Variants in MDGA1 observed in about 807,000 individuals in gnomAD.
MDGA1 encodes the protein MAM domain containing glycosylphosphatidylinositol anchor 1.
In MDGA1, 54 loss-of-function variants were observed where a neutral mutation model predicts 101.5. The observed-to-expected ratio is 0.53, with a 90% CI of 0.43 to 0.67. MDGA1 has a LOEUF of 0.67. MDGA1 is among the 30% of genes least tolerant of loss of function. MDGA1 has a pLI of 0.00. For missense variants in MDGA1, 1,083 were observed against 1,323.8 expected (o/e 0.82, Z 2.82); for synonymous variants, 533 against 558.3 (o/e 0.95, Z 0.64).
Position 37,635,461 on chromosome 6 carries a change from C to A in MDGA1, c.*1907G>T, listed in dbSNP as rs1228122888. 5.0e-6 allele frequency: 2 copies of A among 398,626 alleles called. No individual in the cohort carries two copies. Among genetic ancestry groups the A allele is most frequent in the South Asian group, 1.3e-4 (1 of 7,856 alleles). 24.7% of individuals were successfully genotyped at this position (398,626 alleles called of 1,614,324 possible). Reference sequence around the variant, plus strand: ...TGTATGCTGAGAACCTGGAGCGACTCATTTCAGACAGAGGCCTTGACTGGG... The same window carrying A: ...TGTATGCTGAGAACCTGGAGCGACTAATTTCAGACAGAGGCCTTGACTGGG... On this transcript the variant is annotated 3_prime_UTR_variant, in exon 17 of 17. Coordinates refer to ENST00000434837, the MANE Select transcript of MDGA1 (RefSeq NM_153487.4).
rs1449235537 is a variant in MDGA1, at chr6:37,652,536, CA to C, written c.983-197del. Among the ~76,000 whole-genome samples the C allele has an allele frequency of 6.6e-6, 1 of 152,170 alleles. No homozygotes were observed. The highest frequency in any genetic ancestry group is 2.4e-5 in the African/African-American group (1 of 41,442). On this transcript the variant is annotated intron_variant, in intron 6 of 16. Transcript: ENST00000434837. The surrounding 1 kb of genome is among the most constrained non-coding windows in gnomAD (Gnocchi z 4.3). ...TTTGTTCAGATGTGCTTTAAAAGTT[CA>C]AAAAAGGTCACTGCAGAAAAGCAGT...
At position 37,654,903 on chromosome 6, in the gene MDGA1, G is replaced by T. The variant is rs1196517796; in HGVS notation, c.609C>A (p.Asn203Lys). 2 of 1,613,652 alleles carry T rather than the reference G, an allele frequency of 1.2e-6. No homozygotes were observed. The highest frequency in any genetic ancestry group is 1.7e-6 in the Non-Finnish European group (2 of 1,179,842). The change falls in exon 5 of 17, where the codon AAC (asparagine) becomes AAA (lysine). Residue 203 changes from asparagine to lysine, a missense_variant. Coordinates refer to ENST00000434837, the MANE Select transcript of MDGA1 (RefSeq NM_153487.4). ...AGCTGGCATAGTCCTGGGGCCGCAG[G>T]TTCTTCAGCTTCAGGACCTTGGTCT... ...QGETKVLKLK[N>K]LRPQDYASYT...
chr6:37,694,808 G>A (rs1294370027), intron 1 of MDGA1, among the ~76,000 whole-genome samples: 2 of 152,114 alleles, frequency 1.3e-5, no homozygotes, highest in African/African-American at 4.8e-5. Flanking sequence ...GCCCAGGGTC[G>A]GCCCCAGCAC....
In MDGA1 at chr6:37,648,937, C is replaced by G. The variant is rs1356206878; in HGVS notation, c.1894+45G>C. The G allele has an allele frequency of 3.9e-6, 6 of 1,534,964 alleles. No individual in the cohort carries two copies. The South Asian group carries it at 4.8e-5, about 12-fold the overall frequency. On this transcript the variant is annotated intron_variant, in intron 9 of 16. Transcript: ENST00000434837. ...GGCTGGGATTGGGGCAGAGCCTGGC[C>G]CCTGGTGGGCGTGGTAGGTGGGGCG... is the stretch of plus-strand genomic sequence containing the variant.
At chr6:37,653,484 G>T (rs772019202) in intron 6 of MDGA1, among the ~76,000 whole-genome samples, 3 of 152,126 alleles carry the variant, frequency 2.0e-5, no homozygotes, top group Non-Finnish European at 2.9e-5. Flanking sequence ...ATGTTCAAGT[G>T]CTAAAGAGCT....
At chr6:37,666,945 C>T (rs888717385) in intron 1 of MDGA1, among the ~76,000 whole-genome samples, 8 of 152,180 alleles carry the variant, frequency 5.3e-5, no homozygotes, top group Non-Finnish European at 8.8e-5. Flanking sequence ...CATTAGTTTT[C>T]TCATCTCTAA....
chr6:37,659,297 A>G (rs1443998200), intron 2 of MDGA1, among the ~76,000 whole-genome samples: 1 of 152,222 alleles, frequency 6.6e-6, no homozygotes, highest in African/African-American at 2.4e-5. Flanking sequence ...AGTATTTGTT[A>G]TGCAGTAATA....
chr6:37,640,460 TC>T (rs771231193), intron 14 of MDGA1, among the ~76,000 whole-genome samples: 3 of 151,940 alleles, frequency 2.0e-5, no homozygotes, highest in Non-Finnish European at 4.4e-5. Flanking sequence ...CACCTCAGCC[TC>T]CCAAGTAGCT....
At chr6:37,645,881 C>T (rs1387086141) in intron 12 of MDGA1, 52 bp downstream of exon 12, 2 of 1,601,028 alleles carry the variant, frequency 1.2e-6, no homozygotes, top group East Asian at 2.2e-5. Flanking sequence ...ACCAGGAGAG[C>T]CTTTGTGTCC....
chr6:37,657,020 G>A (rs1297979068), intron 3 of MDGA1, among the ~76,000 whole-genome samples: 2 of 152,128 alleles, frequency 1.3e-5, no homozygotes, highest in African/African-American at 4.8e-5. Flanking sequence ...TTGACTGGGA[G>A]GGGGCATGAA....
chr6:37,665,275 G>A (rs1055027089), intron 1 of MDGA1, among the ~76,000 whole-genome samples: 1 of 152,172 alleles, frequency 6.6e-6, no homozygotes, highest in Non-Finnish European at 1.5e-5. Flanking sequence ...CAGGTGAGAC[G>A]GGAGAGAGTG....
intron 2 of MDGA1, among the ~76,000 whole-genome samples, chr6:37,662,979 A>G (rs997199275): frequency 4.6e-5 from 7 of 152,214 alleles, no homozygotes; most frequent in Non-Finnish European, 8.8e-5. Flanking sequence ...CTCCTTTAAG[A>G]AGGAGCAGCA....
intron 12 of MDGA1, among the ~76,000 whole-genome samples, chr6:37,645,406 T>A (rs981337904): frequency 6.6e-6 from 1 of 152,104 alleles, no homozygotes; most frequent in African/African-American, 2.4e-5. Flanking sequence ...CGGTGGCACA[T>A]GCCTGTAATC....
At chr6:37,683,373 G>T (rs1263268775) in intron 1 of MDGA1, among the ~76,000 whole-genome samples, 1 of 152,188 alleles carries the variant, frequency 6.6e-6, no homozygotes, top group Non-Finnish European at 1.5e-5. Context: ...AAAACAAAGA[G>T]CTCCACACAG....
At chr6:37,645,841 A>G (rs1003929061) in intron 12 of MDGA1, 92 bp downstream of exon 12, 48 of 1,435,982 alleles carry the variant, frequency 3.3e-5, no homozygotes, top group Admixed American at 1.8e-4. Flanking sequence ...CTCTCTGACT[A>G]TCTCAAGGAT....
chr6:37,692,917 T>C (rs1422515449), intron 1 of MDGA1, among the ~76,000 whole-genome samples: 1 of 152,178 alleles, frequency 6.6e-6, no homozygotes, highest in Non-Finnish European at 1.5e-5. Context: ...TCCCATCCTG[T>C]AATGTCGGAT....
chr6:37,673,829 C>G (rs1761922070), intron 1 of MDGA1, among the ~76,000 whole-genome samples: 1 of 152,210 alleles, frequency 6.6e-6, no homozygotes, highest in South Asian at 2.1e-4. Flanking sequence ...CGCAGAGCAT[C>G]TTGAGGGAAA....
rs760448960 is a variant in MDGA1, at chr6:37,643,775, C to T, written c.2536+34G>A. The T allele has an allele frequency of 1.3e-5, 21 of 1,612,338 alleles. No individual in the cohort carries two copies. In the South Asian group the frequency reaches 1.7e-4, roughly 13 times the overall value. ...CACTCCCCTCCCATCCTCCAGCACA[C>T]ACTTGGTGGAGACTACCTGGCCCCC... On this transcript the variant is annotated intron_variant, in intron 14 of 16. Transcript: ENST00000434837.
At chr6:37,681,006 C>T (rs1029537671) in intron 1 of MDGA1, among the ~76,000 whole-genome samples, 9 of 151,896 alleles carry the variant, frequency 5.9e-5, no homozygotes, top group Admixed American at 1.3e-4. Context: ...GCCCCCCCCC[C>T]CCAGGAAACC....
Sources: allele counts gnomAD v4.1 joint callset (sites outside exome capture counted in the v4.1 genomes callset), GRCh38; gene constraint gnomAD v4.1.1; non-coding constraint Gnocchi (gnomAD v3.1); transcripts MANE v1.5; gene names NCBI Gene and HGNC (gene_info 2026-07-23, HGNC 2026-07-21).